The following GNAS variants were observed in gnomAD, a reference collection of about 807,000 sequenced individuals.
The protein encoded by GNAS is GNAS complex locus.
In GNAS, 8 loss-of-function variants were observed where a neutral mutation model predicts 54.5. The observed-to-expected ratio is 0.15, with a 90% CI of 0.09 to 0.26. The LOEUF is 0.26. GNAS is among the 10% of genes least tolerant of loss of function. The probability of loss-of-function intolerance (pLI) is 1.00; values close to 1 mark genes in which losing one functional copy is unlikely to be tolerated. For missense variants in GNAS, 170 were observed against 529.8 expected, an observed-to-expected ratio of 0.32 and a Z score of 6.67; for synonymous variants, 204 against 191.4, an observed-to-expected ratio of 1.07 and a Z score of -0.54.
At chr20:58,877,679 T>C (rs1443538843) in intron 1 of GNAS, among the ~76,000 whole-genome samples, 5 of 152,014 alleles carry the variant, frequency 3.3e-5, no homozygotes, top group Non-Finnish European at 7.4e-5. Flanking sequence ...GGGGAAAGAG[T>C]TGGAGCACCA....
At chr20:58,840,747 A>G, upstream of GNAS, 2 of 1,605,986 alleles carry the variant, frequency 1.2e-6, no homozygotes, top group East Asian at 4.5e-5. This position sits in a 1 kb window ranked among gnomAD's most constrained non-coding sequence, Gnocchi z 6.0. Context: ...AAGGAGGAGA[A>G]GCAGCGGCGT....
At chr20:58,875,612 A>G (rs537726197) in intron 1 of GNAS, among the ~76,000 whole-genome samples, 1 of 152,266 alleles carries the variant, frequency 6.6e-6, no homozygotes, top group African/African-American at 2.4e-5. Flanking sequence ...TGACCCCAGG[A>G]CACGTGGACC....
chr20:58,910,950 C>T lies in GNAS; in HGVS notation c.*121C>T. The T allele has an allele frequency of 9.8e-7, 1 of 1,019,810 alleles. No individual in the cohort carries two copies. Among genetic ancestry groups the T allele is most frequent in the Non-Finnish European group, 1.5e-6 (1 of 666,620 alleles). The allele number at this position is 1,019,810 out of a possible 1,614,324, so 63.2% of individuals were successfully genotyped here. A position where few individuals can be genotyped will look rare whatever the true frequency, so the allele number is the denominator to read the frequency against. On this transcript the variant is annotated 3_prime_UTR_variant, in exon 13 of 13. Coordinates refer to ENST00000371085, the MANE Select transcript of GNAS (RefSeq NM_000516.7). The surrounding 1 kb of genome is among the most constrained non-coding windows in gnomAD (Gnocchi z 5.8). Reference sequence around the variant, plus strand: ...ATTAACAAAGCAACCTTTCCCTTCCCCCGAGTGATTTTGCGAAACCCCCTT... The same window carrying T: ...ATTAACAAAGCAACCTTTCCCTTCCTCCGAGTGATTTTGCGAAACCCCCTT...
At chr20:58,855,123 T>C in intron 1 of GNAS, 1 of 1,613,712 alleles carries the variant, frequency 6.2e-7, no homozygotes, top group Non-Finnish European at 8.5e-7. Flanking sequence ...CGGGGGCTGC[T>C]TCGGTCGATC....
intron 1 of GNAS, chr20:58,892,150 TCCC>T (rs2089470373): frequency 1.3e-5 from 12 of 954,002 alleles, no homozygotes; most frequent in African/African-American, 3.7e-5. Flanking sequence ...GCTCTCGCTC[TCCC>T]CCTCTTTCTC....
At chr20:58,898,632 C>A (rs535975283) in intron 2 of GNAS, 1 of 505,112 alleles carries the variant, frequency 2.0e-6, no homozygotes, top group East Asian at 3.3e-5. Context: ...CTCCCTAATG[C>A]GTGTACGTTT....
intron 1 of GNAS, chr20:58,850,449 G>A (rs1467033509): frequency 2.5e-6 from 1 of 397,774 alleles, no homozygotes. Context: ...GGGGGTGAGC[G>A]CGAGGCCTGA....
Position 58,855,264 on chromosome 20 carries a change from A to G in GNAS, c.43+14378A>G, listed in dbSNP as rs1216268952. On this transcript the variant is annotated intron_variant, in intron 1 of 12. Transcript: ENST00000306090. ...GAAGCGCGCAGAGAAGAAACGCAGT[A>G]AGCTCATCGACAAACAACTCCAGGA... The G allele has an allele frequency of 1.9e-6, 3 of 1,587,490 alleles. No homozygotes were observed. The highest frequency in any genetic ancestry group is 1.8e-5 in the Admixed American group (1 of 56,018).
At chr20:58,897,695 A>G (rs889715338) in intron 2 of GNAS, 1 of 152,208 alleles carries the variant, frequency 6.6e-6, no homozygotes, top group Admixed American at 6.5e-5. Context: ...CAACATTCCC[A>G]GTTTGCCTTC....
Position 58,891,624 on chromosome 20 carries a change from GGCCC to G in GNAS, c.-93_-90del, listed in dbSNP as rs1270308197. The stretch of plus-strand genomic sequence containing the variant: ...TTGCCGAGGAGCCGAGCCCGCGCCC[GGCCC>G]GCCCGCCCGGCGCTGCCCCGGCCCT... On this transcript the variant is annotated 5_prime_UTR_variant, in exon 1 of 13. Coordinates refer to ENST00000371085, the MANE Select transcript of GNAS (RefSeq NM_000516.7). 1.7e-5 allele frequency: 16 copies of G among 964,026 alleles called. No homozygotes were observed. Among genetic ancestry groups the G allele is most frequent in the Non-Finnish European group, 2.0e-5 (16 of 820,122 alleles). The allele number at this position is 964,026 out of a possible 1,614,324, so 59.7% of individuals were successfully genotyped here.
In GNAS at chr20:58,873,312, A is replaced by C. The variant is rs1425166523; in HGVS notation, c.44-22300A>C. 6.6e-6 allele frequency among the ~76,000 whole-genome samples: 1 copy of C among 152,226 alleles called. No individual in the cohort carries two copies. Among genetic ancestry groups the C allele is most frequent in the Non-Finnish European group, 1.5e-5 (1 of 68,042 alleles). On this transcript the variant is annotated intron_variant, in intron 1 of 12. Coordinates refer to the GNAS transcript ENST00000306090. The surrounding 1 kb of genome is among the most constrained non-coding windows in gnomAD (Gnocchi z 4.3). Reference sequence around the variant, plus strand: ...AATGTTGTTGGGAAATGTTTAGTGGAAATTTAGCATAAAATGACATGCCTA... The same window carrying C: ...AATGTTGTTGGGAAATGTTTAGTGGCAATTTAGCATAAAATGACATGCCTA...
At chr20:58,892,236 G>GC in intron 1 of GNAS, 2 of 948,906 alleles carry the variant, frequency 2.1e-6, no homozygotes, top group Non-Finnish European at 2.5e-6. Context: ...GGGAGGGGGA[G>GC]CCCATGGGGC....
In GNAS at chr20:58,910,271, T is replaced by G; in HGVS notation, c.971-63T>G. The G allele has an allele frequency of 4.5e-6, 6 of 1,346,624 alleles. No homozygotes were observed. The highest frequency in any genetic ancestry group is 3.6e-4 in the Middle Eastern group (2 of 5,584). 83.4% of individuals were successfully genotyped at this position (1,346,624 alleles called of 1,614,324 possible). ...TTGAAGACTTCAGGAGCTACAGAGA[T>G]GCTAGCACCCCAGCTCTGCTTGAAT... On this transcript the variant is annotated intron_variant, in intron 11 of 12. Coordinates refer to ENST00000371085, the MANE Select transcript of GNAS (RefSeq NM_000516.7). This position sits in a 1 kb window ranked among gnomAD's most constrained non-coding sequence, Gnocchi z 5.8.
upstream of GNAS, chr20:58,840,343 C>T (rs1178973436): frequency 6.2e-7 from 1 of 1,613,164 alleles, no homozygotes; most frequent in Non-Finnish European, 8.5e-7. This position sits in a 1 kb window ranked among gnomAD's most constrained non-coding sequence, Gnocchi z 6.0. Context: ...TCCCTGAGTC[C>T]CCCGAATCGG....
chr20:58,910,472 T>G lies in GNAS; in HGVS notation c.1038+71T>G. The G allele has an allele frequency of 1.5e-6, 2 of 1,311,586 alleles. No individual in the cohort carries two copies. The highest frequency in any genetic ancestry group is 2.2e-6 in the Non-Finnish European group (2 of 905,904). 81.2% of individuals were successfully genotyped at this position (1,311,586 alleles called of 1,614,324 possible). ...TTCTCATGGATGTAAATTTACTTAA[T>G]TCCAAATTCAGGGGTTCAGCTACCC... On this transcript the variant is annotated intron_variant, in intron 12 of 12. Transcript: ENST00000371085. This position sits in a 1 kb window ranked among gnomAD's most constrained non-coding sequence, Gnocchi z 5.8.
At position 58,865,439 on chromosome 20, in the gene GNAS, T is replaced by G. The variant is rs552093665; in HGVS notation, c.43+24553T>G. On this transcript the variant is annotated intron_variant, in intron 1 of 12. Transcript: ENST00000306090. ...ATCTCAAAAAATATATATATACACA[T>G]ATATTTTATATTATATATATATCAT... Among the ~76,000 whole-genome samples, 127 of 147,582 alleles carry G rather than the reference T, an allele frequency of 8.6e-4. 1 individual carries two copies. The highest frequency in any genetic ancestry group is 7.1e-3 in the Middle Eastern group (2 of 280).
rs1254177461 is a variant in GNAS at position 58,857,295 on chromosome 20, A to G, written c.43+16409A>G. The G allele has an allele frequency of 6.6e-6, 1 of 152,226 alleles. No homozygotes were observed. Among genetic ancestry groups the G allele is most frequent in the African/African-American group, 2.4e-5 (1 of 41,450 alleles). The allele number at this position is 152,226 out of a possible 1,614,324, so 9.4% of individuals were successfully genotyped here. The stretch of plus-strand genomic sequence containing the variant: ...CATCCAGGTAGATCATGACATTGTC[A>G]TTTACCTAAAGACATATAATATGGT... On this transcript the variant is annotated intron_variant, in intron 1 of 12. Coordinates refer to the GNAS transcript ENST00000306090. This position sits in a 1 kb window ranked among gnomAD's most constrained non-coding sequence, Gnocchi z 4.1.
intron 1 of GNAS, chr20:58,848,742 C>T (rs1236318499): frequency 5.1e-6 from 2 of 394,646 alleles, no homozygotes; most frequent in African/African-American, 4.1e-5. Context: ...CGATCACCCC[C>T]AGCTCTTACT....
chr20:58,854,029 TCGCGGCAGTCG>T, intron 1 of GNAS: 3 of 1,610,950 alleles, frequency 1.9e-6, no homozygotes, highest in Non-Finnish European at 2.5e-6. Context: ...AGCAGCCAGT[TCGCGGCAGTCG>T]CGGCCTCGAG....
Sources: allele counts gnomAD v4.1 joint callset (sites outside exome capture counted in the v4.1 genomes callset), GRCh38; gene constraint gnomAD v4.1.1; non-coding constraint Gnocchi (gnomAD v3.1); transcripts MANE v1.5; gene names NCBI Gene and HGNC (gene_info 2026-07-23, HGNC 2026-07-21).